GAB4: variants seen among roughly 807,000 people sequenced by gnomAD.
GAB4 encodes the protein GRB2-associated-binding protein 4.
GAB4 carries 26 observed loss-of-function variants against 51.3 expected under a neutral mutation model. The ratio of observed to expected loss-of-function variants is 0.51; its 90% confidence interval spans 0.37 to 0.70. GAB4 has a LOEUF of 0.70. Ranked by LOEUF, GAB4 falls within the 30% of genes least tolerant of loss-of-function variation. The pLI is 0.00. For missense variants in GAB4, 759 were observed against 734.6 expected (o/e 1.03, Z -0.38); for synonymous variants, 329 against 291.2 (o/e 1.13, Z -1.32).
chr22:16,968,426 A>T, intron 4 of GAB4, 43 bp from the exon 5 acceptor site: 1 of 1,413,698 alleles, frequency 7.1e-7, no homozygotes. Flanking sequence ...CAGCTGATCC[A>T]TGTGTTGATG....
intron 1 of GAB4, among the ~76,000 whole-genome samples, chr22:17,004,381 A>G (rs1037768487): frequency 6.6e-6 from 1 of 152,236 alleles, no homozygotes. Context: ...ACAAAAAAAT[A>G]AAATTTCAGG....
intron 1 of GAB4, among the ~76,000 whole-genome samples, chr22:16,995,499 CCT>C (rs1479034016): frequency 6.6e-6 from 1 of 152,214 alleles, no homozygotes; most frequent in African/African-American, 2.4e-5. Context: ...GTCCCTGACC[CCT>C]GTCCCTCCTG....
intron 3 of GAB4, among the ~76,000 whole-genome samples, chr22:16,977,283 C>T (rs1235131747): frequency 2.7e-5 from 4 of 150,838 alleles, no homozygotes; most frequent in Admixed American, 6.6e-5. Flanking sequence ...ACCCATCTCA[C>T]GTGCAAAGAC....
chr22:16,973,136 A>G (rs1201620197), intron 3 of GAB4, among the ~76,000 whole-genome samples: 2 of 152,184 alleles, frequency 1.3e-5, no homozygotes, highest in Admixed American at 6.5e-5. Flanking sequence ...TAGATCCTCT[A>G]TCTCCAAGCA....
At position 17,004,385 on chromosome 22, in the gene GAB4, T is replaced by C. The variant is rs371302683; in HGVS notation, c.174+3556A>G. On this transcript the variant is annotated intron_variant, in intron 1 of 9. Transcript: ENST00000400588. Reference sequence around the variant, plus strand: ...GCAGAGACACAACAAAAAAATAAAATTTCAGGCCAATATCCCTAATGAACA... The same window carrying C: ...GCAGAGACACAACAAAAAAATAAAACTTCAGGCCAATATCCCTAATGAACA... Among the ~76,000 whole-genome samples, 530 of 152,250 alleles carry C rather than the reference T, an allele frequency of 3.5e-3. 5 individuals are homozygous for C. In the South Asian group the frequency reaches 0.035, roughly 10 times the overall value.
Position 16,963,720 on chromosome 22 carries a change from G to C in GAB4, c.1581+5C>G, listed in dbSNP as rs762744973. ...TCTGCCCAACCCCAGCTCCACCCCAGGCACCTTGCTCGGCTGGAAGTCCAG... is the reference window on the plus strand; with the variant it reads ...TCTGCCCAACCCCAGCTCCACCCCACGCACCTTGCTCGGCTGGAAGTCCAG... On this transcript the variant is annotated splice_donor_5th_base_variant and intron_variant, in intron 9 of 9. Coordinates refer to ENST00000400588, the MANE Select transcript of GAB4 (RefSeq NM_001037814.1). The C allele has an allele frequency of 2.5e-6, 4 of 1,610,510 alleles. No homozygotes were observed. The highest frequency in any genetic ancestry group is 2.2e-5 in the South Asian group (2 of 90,950).
intron 1 of GAB4, among the ~76,000 whole-genome samples, chr22:17,002,931 A>C (rs2061009704): frequency 6.6e-6 from 1 of 152,340 alleles, no homozygotes; most frequent in African/African-American, 2.4e-5. Context: ...TGTATTCAGG[A>C]GACCCATCTG....
chr22:17,008,138 G>A lies in GAB4; in HGVS notation c.-24C>T, dbSNP rs975570709. 6.4e-6 allele frequency: 10 copies of A among 1,563,514 alleles called. No individual in the cohort carries two copies. The Admixed American group carries it at 1.7e-4, about 27-fold the overall frequency. On this transcript the variant is annotated 5_prime_UTR_variant, in exon 1 of 10. Transcript: ENST00000400588. ...ATGGGGGCTGCAGCTCACAGTGAAG[G>A]TGGGGGAGACAGGGCGAGAGGGCGT...
chr22:16,963,647 G>A (rs553795273), intron 9 of GAB4, 78 bp downstream of exon 9: 30 of 994,140 alleles, frequency 3.0e-5, no homozygotes, highest in African/African-American at 9.6e-5. Flanking sequence ...CAGTGCTGCC[G>A]GTGCTGAAGG....
intron 3 of GAB4, among the ~76,000 whole-genome samples, chr22:16,983,341 C>CCT (rs888915377): frequency 7.9e-5 from 12 of 152,102 alleles, no homozygotes; most frequent in Non-Finnish European, 1.8e-4. Flanking sequence ...ACTTCATAGC[C>CCT]CTCATGGTCT....
chr22:16,970,083 T>A lies in GAB4; in HGVS notation c.797A>T (p.His266Leu). The change falls in exon 4 of 10, where the codon CAC becomes CTC. Residue 266 changes from histidine to leucine, a missense_variant. Around this residue, in one of 3 missense-constraint regions of GAB4, gnomAD observed 588 missense variants for 510.2 expected, o/e 1.15. Coordinates refer to ENST00000400588, the MANE Select transcript of GAB4 (RefSeq NM_001037814.1). ...SGYSVDGVSG[H>L]IHGFHSLSKP... ...GGAAAGGCTATGGAAGCCATGGATG[T>A]GACCGCTGACCCCATCAACACTGTA... 6.2e-7 allele frequency: 1 copy of A among 1,614,194 alleles called. No homozygotes were observed. Among genetic ancestry groups the A allele is most frequent in the African/African-American group, 1.3e-5 (1 of 75,038 alleles).
At chr22:16,990,155 T>G (rs1275273314) in intron 2 of GAB4, among the ~76,000 whole-genome samples, 4 of 152,226 alleles carry the variant, frequency 2.6e-5, no homozygotes, top group Non-Finnish European at 5.9e-5. Flanking sequence ...TCTTCCACAG[T>G]GCGCTGCATC....
intron 2 of GAB4, among the ~76,000 whole-genome samples, chr22:16,991,188 A>C (rs1319344669): frequency 6.6e-6 from 1 of 152,028 alleles, no homozygotes; most frequent in African/African-American, 2.4e-5. Context: ...TCCACCACCC[A>C]AGAGATTCCT....
At chr22:16,971,016 C>T (rs11703297) in intron 3 of GAB4, among the ~76,000 whole-genome samples, 3,359 of 147,420 alleles carry the variant, frequency 0.023, 56 homozygotes, top group Middle Eastern at 0.068. Context: ...GACAACATGG[C>T]AAAAACCTGT....
chr22:17,007,986 G>T lies in GAB4; in HGVS notation c.129C>A (p.Ser43Arg). ...CGGGGGGCGACTTCCTCAGCCAGCC[G>T]CTGTACAGCACGTGGCCACTTCTCG... ...GSTRSGHVLY[S>R]GWLRKSPPEK... The change falls in exon 1 of 10, where the codon AGC becomes AGA. Residue 43 changes from serine to arginine, a missense_variant. Physicochemically the swap from Ser to Arg is moderately radical, Grantham distance 110. Coordinates refer to ENST00000400588, the MANE Select transcript of GAB4 (RefSeq NM_001037814.1). 1 of 1,611,994 alleles carries T rather than the reference G, an allele frequency of 6.2e-7. No individual in the cohort carries two copies. Among genetic ancestry groups the T allele is most frequent in the Non-Finnish European group, 8.5e-7 (1 of 1,179,060 alleles).
chr22:16,989,119 A>G (rs73147663), intron 2 of GAB4, among the ~76,000 whole-genome samples: 3,420 of 152,300 alleles, frequency 0.022, 58 homozygotes, highest in Middle Eastern at 0.068. Context: ...TACCCAACAG[A>G]AGCCAGGTAC....
chr22:16,985,958 C>T (rs2060863785), intron 3 of GAB4, among the ~76,000 whole-genome samples: 1 of 152,202 alleles, frequency 6.6e-6, no homozygotes, highest in Admixed American at 6.5e-5. Context: ...AGGCAGACAG[C>T]CCCAAATGCT....
At chr22:16,992,490 TAGAC>T (rs1426571773) in intron 1 of GAB4, among the ~76,000 whole-genome samples, 1 of 152,202 alleles carries the variant, frequency 6.6e-6, no homozygotes, top group Non-Finnish European at 1.5e-5. Flanking sequence ...ATAGCACTTT[TAGAC>T]AGAGTAGAAC....
In GAB4 at chr22:16,965,267, G is replaced by T. The variant is rs1541529; in HGVS notation, c.1290C>A (p.Ala430=). ...TTCTCAGGTTGGGCGGTGTTGGGTT[G>T]GCTGGAGCAGGAAAAGAACCTTGTC... ...VNRSLKPNQK[A]NPTPPNLRNN... Residue 430 remains alanine (A), a splice_region_variant and synonymous_variant, in exon 7 of 10, where the codon GCC becomes GCA. Coordinates refer to ENST00000400588, the MANE Select transcript of GAB4 (RefSeq NM_001037814.1). 0.067 allele frequency: 108,569 copies of T among 1,611,900 alleles called. 4,119 individuals are homozygous for T. The highest frequency in any genetic ancestry group is 0.077 in the Non-Finnish European group (91,224 of 1,178,160).
Sources: gnomAD v4.1 joint callset for allele counts (sites outside exome capture counted in the v4.1 genomes callset) on GRCh38, gnomAD v4.1.1 for gene constraint, gnomAD v4.1.1 regional missense constraint, MANE v1.5 for transcripts, NCBI Gene and HGNC (gene_info 2026-07-23, HGNC 2026-07-21) for gene names.